The following CDK1 variants were observed in gnomAD, a reference collection of about 807,000 sequenced individuals.
The protein encoded by CDK1 is cyclin dependent kinase 1, also known as cyclin-dependent kinase 1.
CDK1 carries 5 observed loss-of-function variants against 34.6 expected under a neutral mutation model. The ratio of observed to expected loss-of-function variants is 0.14; its 90% CI spans 0.08 to 0.30. CDK1 has a LOEUF of 0.30. Among genes scored for constraint, CDK1 ranks in the 10% least tolerant of loss-of-function variants. The pLI, the probability that CDK1 is intolerant of heterozygous loss-of-function variation, is 1.00. For synonymous variants in CDK1, 108 were observed against 114.7 expected (o/e 0.94, Z 0.37); for missense variants, 157 against 345.7 (o/e 0.45, Z 4.33).
chr10:60,781,149 G>A (rs1485055609), intron 2 of CDK1, among the ~76,000 whole-genome samples: 2 of 151,994 alleles, frequency 1.3e-5, no homozygotes, highest in Non-Finnish European at 1.5e-5. Context: ...TATGTCTAAT[G>A]CTGTGTAGTG....
At chr10:60,779,100 C>T (rs1159621775) in intron 1 of CDK1, among the ~76,000 whole-genome samples, 1 of 152,208 alleles carries the variant, frequency 6.6e-6, no homozygotes, top group Non-Finnish European at 1.5e-5. Flanking sequence ...CTGCCCACGG[C>T]CCCGGCCCAC....
chr10:60,785,924 A>G (rs1339160118), intron 4 of CDK1, 137 bp downstream of exon 4: 4 of 1,296,836 alleles, frequency 3.1e-6, no homozygotes, highest in Non-Finnish European at 3.9e-6. Flanking sequence ...TTTCTCCCTC[A>G]TGGTTAGTTT....
chr10:60,794,140 G>A lies in CDK1; in HGVS notation c.*165G>A. On this transcript the variant is annotated 3_prime_UTR_variant, in exon 8 of 8. Coordinates refer to ENST00000395284, the MANE Select transcript of CDK1 (RefSeq NM_001786.5). ...ACTTAAAAATGTAAATATTCTATAT[G>A]AATTTAAATATAATTCTGTAAATGT... 2.2e-6 allele frequency: 1 copy of A among 446,016 alleles called. No individual in the cohort carries two copies. Among genetic ancestry groups the A allele is most frequent in the East Asian group, 3.9e-5 (1 of 25,558 alleles). The allele number at this position is 446,016 out of a possible 1,614,324, so 27.6% of individuals were successfully genotyped here. A position where few individuals can be genotyped will look rare whatever the true frequency, so the allele number is the denominator to read the frequency against.
At chr10:60,787,024 A>C (rs904999296) in intron 4 of CDK1, 2 of 983,498 alleles carry the variant, frequency 2.0e-6, no homozygotes, top group African/African-American at 3.5e-5. Context: ...ATTAAGATTT[A>C]TTTTGACTTA....
chr10:60,794,491 A>C lies in CDK1; in HGVS notation c.*516A>C, dbSNP rs572575761. 2 of 151,298 alleles carry C rather than the reference A, an allele frequency of 1.3e-5. No homozygotes were observed. Among genetic ancestry groups the C allele is most frequent in the Non-Finnish European group, 3.0e-5 (2 of 67,748 alleles). The allele number at this position is 151,298 out of a possible 1,614,324, so 9.4% of individuals were successfully genotyped here. On this transcript the variant is annotated 3_prime_UTR_variant, in exon 8 of 8. Transcript: ENST00000395284. ...TTTAAGCATTCGGAATGAGAAAACT[A>C]TACAGATTTGAGAAATGATGCTAAA...
chr10:60,780,733 A>G (rs1402193007), intron 2 of CDK1, among the ~76,000 whole-genome samples: 1 of 152,172 alleles, frequency 6.6e-6, no homozygotes. Flanking sequence ...ACTTATGTAT[A>G]TAATCCTTCC....
At chr10:60,787,239 A>C (rs1306130362) in intron 4 of CDK1, among the ~76,000 whole-genome samples, 1 of 152,128 alleles carries the variant, frequency 6.6e-6, no homozygotes, top group African/African-American at 2.4e-5. Context: ...TATTCAATAA[A>C]TAATGAGGTA....
intron 2 of CDK1, among the ~76,000 whole-genome samples, chr10:60,780,548 A>G (rs529110680): frequency 1.1e-4 from 16 of 152,284 alleles, no homozygotes; most frequent in African/African-American, 3.1e-4. Context: ...ACTTCATAAT[A>G]TATTTTTAGT....
chr10:60,787,356 G>A (rs918605980), intron 4 of CDK1, among the ~76,000 whole-genome samples: 16 of 151,988 alleles, frequency 1.1e-4, no homozygotes, highest in African/African-American at 3.9e-4. Context: ...ATTTCGACAA[G>A]GTATTTTCAG....
intron 4 of CDK1, chr10:60,786,424 C>A: frequency 1.4e-6 from 1 of 699,646 alleles, no homozygotes; most frequent in Non-Finnish European, 1.8e-6. Context: ...CGTAGATCTA[C>A]CTATGTCTAT....
intron 7 of CDK1, among the ~76,000 whole-genome samples, chr10:60,793,143 C>G (rs576975888): frequency 6.6e-6 from 1 of 152,066 alleles, no homozygotes; most frequent in Non-Finnish European, 1.5e-5. Context: ...CCCTTCGAGC[C>G]TCAATGTCCT....
At chr10:60,781,798 A>G (rs1456773868) in intron 2 of CDK1, among the ~76,000 whole-genome samples, 2 of 152,108 alleles carry the variant, frequency 1.3e-5, no homozygotes, top group Non-Finnish European at 2.9e-5. Context: ...TTCCCTTTGC[A>G]TCATACCATA....
At chr10:60,791,828 G>A in intron 5 of CDK1, 62 bp from the exon 6 acceptor site, 1 of 864,754 alleles carries the variant, frequency 1.2e-6, no homozygotes, top group Admixed American at 2.5e-5. Context: ...AAATATAAAT[G>A]TTTAAGTGTA....
At chr10:60,787,222 A>G (rs1564670174) in intron 4 of CDK1, among the ~76,000 whole-genome samples, 1 of 152,072 alleles carries the variant, frequency 6.6e-6, no homozygotes. Context: ...TTTCACTTTC[A>G]GTACAGTATT....
At position 60,785,657 on chromosome 10, in the gene CDK1, TC is replaced by T; in HGVS notation, c.195-3del. 6.4e-7 allele frequency: 1 copy of T among 1,551,554 alleles called. No individual in the cohort carries two copies. The highest frequency in any genetic ancestry group is 1.8e-5 in the Admixed American group (1 of 55,574). ...GGATTCTTCTCTCATATATTTTTTT[TC>T]CCCAGTCTTCAGGATGTGCTTATGC... On this transcript the variant is annotated splice_region_variant and splice_polypyrimidine_tract_variant and intron_variant, in intron 3 of 7. Coordinates refer to ENST00000395284, the MANE Select transcript of CDK1 (RefSeq NM_001786.5).
intron 3 of CDK1, among the ~76,000 whole-genome samples, chr10:60,785,110 A>G (rs989709910): frequency 6.6e-6 from 1 of 152,188 alleles, no homozygotes; most frequent in African/African-American, 2.4e-5. Flanking sequence ...TAAATTGGCC[A>G]TGGGAGTAAA....
At chr10:60,791,593 T>C (rs968651278) in intron 5 of CDK1, among the ~76,000 whole-genome samples, 4 of 152,154 alleles carry the variant, frequency 2.6e-5, no homozygotes, top group Non-Finnish European at 5.9e-5. Flanking sequence ...AAATCTATTA[T>C]CAATGGGTTT....
At chr10:60,780,669 C>A (rs1564664111) in intron 2 of CDK1, among the ~76,000 whole-genome samples, 1 of 151,748 alleles carries the variant, frequency 6.6e-6, no homozygotes, top group African/African-American at 2.4e-5. Flanking sequence ...ATTTAGTTAC[C>A]CTAAGTATAA....
At chr10:60,786,895 C>T (rs1246822252) in intron 4 of CDK1, 5 of 981,432 alleles carry the variant, frequency 5.1e-6, no homozygotes, top group Non-Finnish European at 3.6e-6. Context: ...GCTTTTATGT[C>T]TTGCTTAAGT....
Sources: allele counts gnomAD v4.1 joint callset (sites outside exome capture counted in the v4.1 genomes callset), GRCh38; gene constraint gnomAD v4.1.1; transcripts MANE v1.5; gene names NCBI Gene and HGNC (gene_info 2026-07-23, HGNC 2026-07-21).